ITGB6: variants seen among roughly 807,000 people sequenced by gnomAD.
The protein encoded by ITGB6 is integrin subunit beta 6.
A neutral mutation model predicts 84.5 loss-of-function variants in ITGB6; 80 were observed. That is an observed-to-expected ratio of 0.95 (90% CI 0.79 to 1.14). The LOEUF is 1.14. Among genes scored for constraint, ITGB6 ranks in the 50% most tolerant of loss-of-function variants. The probability of loss-of-function intolerance (pLI) is 0.00; values close to 1 mark genes in which losing one functional copy is unlikely to be tolerated. For missense variants in ITGB6, 1,006 were observed against 968.0 expected (o/e 1.04, Z -0.52); for synonymous variants, 383 against 354.9 (o/e 1.08, Z -0.89).
intron 4 of ITGB6, among the ~76,000 whole-genome samples, chr2:160,176,886 G>A (rs1685438556): frequency 6.6e-6 from 1 of 152,158 alleles, no homozygotes; most frequent in African/African-American, 2.4e-5. Flanking sequence ...TCTTTCTATT[G>A]CTGAGCATTT....
chr2:160,196,221 C>G lies in ITGB6; in HGVS notation c.341G>C (p.Arg114Thr). The change falls in exon 3 of 15, where the codon AGA (arginine) becomes ACA (threonine). Residue 114 changes from arginine to threonine, a missense_variant. By Grantham distance (71) the Arg-to-Thr change is moderately conservative. Coordinates refer to ENST00000283249, the MANE Select transcript of ITGB6 (RefSeq NM_000888.5). ...IAPQSLILKL[R>T]PGGAQTLQVH... Reference sequence around the variant, plus strand: ...TGAGCCAAATCCTAACATACCTGGTCTCAACTTAAGGATCAAGCTTTGAGG... The same window carrying G: ...TGAGCCAAATCCTAACATACCTGGTGTCAACTTAAGGATCAAGCTTTGAGG... 6.2e-7 allele frequency: 1 copy of G among 1,613,798 alleles called. No homozygotes were observed. Among genetic ancestry groups the G allele is most frequent in the Non-Finnish European group, 8.5e-7 (1 of 1,179,786 alleles).
chr2:160,168,281 T>A (rs369894295), intron 7 of ITGB6, among the ~76,000 whole-genome samples: 1 of 152,204 alleles, frequency 6.6e-6, no homozygotes, highest in Admixed American at 6.5e-5. Flanking sequence ...TAGTAGTGAG[T>A]GGCATTTAAT....
intron 12 of ITGB6, among the ~76,000 whole-genome samples, chr2:160,113,941 CCT>C (rs1269844699): frequency 6.6e-6 from 1 of 152,090 alleles, no homozygotes; most frequent in Non-Finnish European, 1.5e-5. Context: ...CTTCTTTCCC[CCT>C]CTCTGTGGGA....
intron 7 of ITGB6, among the ~76,000 whole-genome samples, chr2:160,145,635 A>T (rs2105829804): frequency 6.6e-6 from 1 of 152,294 alleles, no homozygotes; most frequent in Non-Finnish European, 1.5e-5. Context: ...AGGGACCCCC[A>T]GTTTGGTGCC....
chr2:160,154,952 G>A (rs1349744601), intron 7 of ITGB6, among the ~76,000 whole-genome samples: 5 of 152,164 alleles, frequency 3.3e-5, no homozygotes, highest in African/African-American at 1.2e-4. Context: ...ATCATGGGGT[G>A]AAGTTTCCCC....
chr2:160,196,678 C>T (rs957943548), intron 2 of ITGB6, among the ~76,000 whole-genome samples: 8 of 151,350 alleles, frequency 5.3e-5, no homozygotes, highest in South Asian at 4.3e-4. Flanking sequence ...GTAACAATTG[C>T]ATGTGTGTGT....
chr2:160,177,580 A>G (rs2105875163), intron 4 of ITGB6, among the ~76,000 whole-genome samples: 1 of 152,096 alleles, frequency 6.6e-6, no homozygotes, highest in East Asian at 1.9e-4. Context: ...CAAAAAAAAA[A>G]AAAGAACCAT....
intron 7 of ITGB6, among the ~76,000 whole-genome samples, chr2:160,158,679 A>T (rs1684712137): frequency 6.6e-6 from 1 of 152,222 alleles, no homozygotes; most frequent in Admixed American, 6.5e-5. Context: ...AGTAGGAAGA[A>T]AATGAAGGGG....
chr2:160,136,614 C>T (rs10202503), intron 10 of ITGB6, among the ~76,000 whole-genome samples: 127 of 152,224 alleles, frequency 8.3e-4, no homozygotes, highest in African/African-American at 2.8e-3. Flanking sequence ...ATGTTTATTG[C>T]GGCACTATTC....
Position 160,199,274 on chromosome 2 carries a change from G to A in ITGB6, c.62-16C>T. ...GCACAGCCACCTAGGTTTAGACCCAGCAAGATGCAGGGATTAAGTACACTT... is the reference window on the plus strand; with the variant it reads ...GCACAGCCACCTAGGTTTAGACCCAACAAGATGCAGGGATTAAGTACACTT... On this transcript the variant is annotated splice_polypyrimidine_tract_variant and intron_variant, in intron 1 of 14. Transcript: ENST00000283249. 1 of 1,600,984 alleles carries A rather than the reference G, an allele frequency of 6.2e-7. No homozygotes were observed. Among genetic ancestry groups the A allele is most frequent in the Non-Finnish European group, 8.6e-7 (1 of 1,168,162 alleles).
chr2:160,119,275 G>C (rs1351976368), intron 12 of ITGB6, among the ~76,000 whole-genome samples: 1 of 152,116 alleles, frequency 6.6e-6, no homozygotes, highest in Non-Finnish European at 1.5e-5. Flanking sequence ...ATACTACAAG[G>C]CTACAGTAAC....
chr2:160,150,438 A>G (rs1206184726), intron 7 of ITGB6, among the ~76,000 whole-genome samples: 1 of 152,250 alleles, frequency 6.6e-6, no homozygotes, highest in Non-Finnish European at 1.5e-5. Context: ...GGCCTGCCTT[A>G]CAAGAGCTCC....
chr2:160,154,101 A>C (rs865804441), intron 7 of ITGB6, among the ~76,000 whole-genome samples: 8 of 152,398 alleles, frequency 5.2e-5, no homozygotes, highest in African/African-American at 1.9e-4. Context: ...CCAAAGGATT[A>C]GAAATCATGC....
intron 12 of ITGB6, among the ~76,000 whole-genome samples, chr2:160,117,426 A>G (rs973603047): frequency 2.6e-5 from 4 of 152,142 alleles, no homozygotes; most frequent in African/African-American, 9.7e-5. Context: ...TGGGTACATA[A>G]CGAAATGAAG....
At chr2:160,142,715 G>C (rs1684044439) in intron 7 of ITGB6, among the ~76,000 whole-genome samples, 1 of 152,080 alleles carries the variant, frequency 6.6e-6, no homozygotes, top group Non-Finnish European at 1.5e-5. Context: ...TTTACCCACA[G>C]TGTTTTTTCC....
chr2:160,152,371 A>G (rs1684459139), intron 7 of ITGB6, among the ~76,000 whole-genome samples: 1 of 152,240 alleles, frequency 6.6e-6, no homozygotes, highest in Non-Finnish European at 1.5e-5. Flanking sequence ...CAATAGATGC[A>G]GAAAAGGCCT....
At chr2:160,193,118 C>T (rs1686204045) in intron 4 of ITGB6, among the ~76,000 whole-genome samples, 3 of 152,166 alleles carry the variant, frequency 2.0e-5, no homozygotes. Context: ...AGTTCAGCAA[C>T]TCCAGTTTAG....
At chr2:160,146,609 G>A (rs937809986) in intron 7 of ITGB6, among the ~76,000 whole-genome samples, 1 of 152,040 alleles carries the variant, frequency 6.6e-6, no homozygotes, top group African/African-American at 2.4e-5. Flanking sequence ...ATCTTTCTAA[G>A]TATTTTTTGT....
At chr2:160,118,508 C>G (rs62177889) in intron 12 of ITGB6, among the ~76,000 whole-genome samples, 1 of 151,590 alleles carries the variant, frequency 6.6e-6, no homozygotes, top group South Asian at 2.1e-4. Context: ...ATTGATGGGA[C>G]GTATCTCAAA....
Sources: allele counts gnomAD v4.1 joint callset (sites outside exome capture counted in the v4.1 genomes callset), GRCh38; gene constraint gnomAD v4.1.1; transcripts MANE v1.5; gene names NCBI Gene and HGNC (gene_info 2026-07-23, HGNC 2026-07-21).